Variants in FNIP1 observed in about 807,000 individuals in gnomAD.
FNIP1 encodes folliculin interacting protein 1, also known as folliculin-interacting protein 1.
A neutral mutation model predicts 124.5 loss-of-function variants in FNIP1; 40 were observed. The observed-to-expected ratio is 0.32, with a 90% CI of 0.25 to 0.42. The LOEUF is 0.42. FNIP1 is among the 10% of genes least tolerant of loss of function. The pLI is 1.00. For missense variants in FNIP1, 1,176 were observed against 1,403.7 expected, an observed-to-expected ratio of 0.84 and a Z score of 2.59; for synonymous variants, 472 against 470.6, an observed-to-expected ratio of 1.00 and a Z score of -0.04.
chr5:131,752,538 T>TAAAA (rs70974009), intron 1 of FNIP1, among the ~76,000 whole-genome samples: 1 of 136,786 alleles, frequency 7.3e-6, no homozygotes. Flanking sequence ...CCTGAACATC[T>TAAAA]AAAAAAAAAA....
chr5:131,740,843 G>A (rs1770489197), intron 2 of FNIP1, among the ~76,000 whole-genome samples: 1 of 152,146 alleles, frequency 6.6e-6, no homozygotes, highest in Non-Finnish European at 1.5e-5. Flanking sequence ...AAAGCCTGCA[G>A]TAAAGAAGCT....
intron 1 of FNIP1, among the ~76,000 whole-genome samples, chr5:131,776,413 C>A (rs1269402340): frequency 6.6e-6 from 1 of 152,086 alleles, no homozygotes; most frequent in Non-Finnish European, 1.5e-5. Flanking sequence ...AGCATCTGTC[C>A]ACCGAAAGAC....
intron 11 of FNIP1, among the ~76,000 whole-genome samples, chr5:131,682,038 G>A (rs1037794216): frequency 6.6e-6 from 1 of 152,024 alleles, no homozygotes; most frequent in African/African-American, 2.4e-5. Context: ...GGAAGAATGG[G>A]GTGAGTAGGA....
At chr5:131,785,144 G>GATATATATGACTATATATA (rs1772155650) in intron 1 of FNIP1, among the ~76,000 whole-genome samples, 1 of 24,678 alleles carries the variant, frequency 4.1e-5, no homozygotes, top group African/African-American at 7.7e-5. Context: ...TATATATATA[G>GATATATATGACTATATATA]TCATATATAT....
At chr5:131,710,099 T>A (rs911235831) in intron 7 of FNIP1, among the ~76,000 whole-genome samples, 1 of 152,226 alleles carries the variant, frequency 6.6e-6, no homozygotes, top group African/African-American at 2.4e-5. Flanking sequence ...ATTATAGTAG[T>A]GCTTGTTCAT....
At chr5:131,783,046 C>T (rs957960439) in intron 1 of FNIP1, among the ~76,000 whole-genome samples, 1 of 152,214 alleles carries the variant, frequency 6.6e-6, no homozygotes, top group African/African-American at 2.4e-5. Flanking sequence ...CAGACTACAG[C>T]GTAGTGTAAA....
At chr5:131,785,372 T>C (rs1298191099) in intron 1 of FNIP1, among the ~76,000 whole-genome samples, 1 of 151,182 alleles carries the variant, frequency 6.6e-6, no homozygotes, top group East Asian at 1.9e-4. Context: ...CTGCCCAACA[T>C]GGTGAAACCC....
In FNIP1 at chr5:131,706,525, A is replaced by G; in HGVS notation, c.800T>C (p.Ile267Thr). Residue 267 changes from isoleucine to threonine, a missense_variant, in exon 9 of 18, where the codon ATC becomes ACC. Ile to Thr is a moderately conservative substitution (Grantham distance 89). Coordinates refer to ENST00000510461, the MANE Select transcript of FNIP1 (RefSeq NM_133372.3). ...ARSASLSSLL[I>T]TPFPSPNSSL... ...GGAGTTTGGGGAAGGAAATGGAGTGATCAGCAAGCTGCTGAGAGATGCTGT... is the reference window on the plus strand; with the variant it reads ...GGAGTTTGGGGAAGGAAATGGAGTGGTCAGCAAGCTGCTGAGAGATGCTGT... The G allele has an allele frequency of 6.2e-7, 1 of 1,605,234 alleles. No homozygotes were observed. Among genetic ancestry groups the G allele is most frequent in the Non-Finnish European group, 8.5e-7 (1 of 1,175,436 alleles).
chr5:131,774,139 G>C (rs1281649851), intron 1 of FNIP1, among the ~76,000 whole-genome samples: 2 of 152,166 alleles, frequency 1.3e-5, no homozygotes, highest in African/African-American at 4.8e-5. Flanking sequence ...TGATTCTCCG[G>C]CCTTAGCCTC....
chr5:131,766,331 T>A (rs974235300), intron 1 of FNIP1, among the ~76,000 whole-genome samples: 4 of 152,126 alleles, frequency 2.6e-5, no homozygotes, highest in Non-Finnish European at 4.4e-5. Context: ...CATCAGCCAC[T>A]GCAGCTGGCC....
intron 1 of FNIP1, among the ~76,000 whole-genome samples, chr5:131,748,531 A>G (rs1389042634): frequency 6.6e-6 from 1 of 151,830 alleles, no homozygotes; most frequent in Non-Finnish European, 1.5e-5. Flanking sequence ...GTCTCTACTA[A>G]AAGTACAAAA....
At chr5:131,692,105 C>T (rs866860630) in intron 11 of FNIP1, among the ~76,000 whole-genome samples, 4 of 151,918 alleles carry the variant, frequency 2.6e-5, no homozygotes, top group African/African-American at 9.7e-5. Context: ...ATAAAACAGT[C>T]TTTATTTGTG....
intron 11 of FNIP1, among the ~76,000 whole-genome samples, chr5:131,682,272 G>A (rs1422101110): frequency 6.6e-6 from 1 of 152,178 alleles, no homozygotes; most frequent in Non-Finnish European, 1.5e-5. Flanking sequence ...GGTCCAATGA[G>A]AGCCTTTGCT....
In FNIP1 at chr5:131,715,125, C is replaced by T. The variant is rs938076658; in HGVS notation, c.622+1440G>A. Among the ~76,000 whole-genome samples, 3 of 152,146 alleles carry T rather than the reference C, an allele frequency of 2.0e-5. No individual in the cohort carries two copies. In the East Asian group the frequency reaches 5.8e-4, roughly 29 times the overall value. On this transcript the variant is annotated intron_variant, in intron 6 of 17. Coordinates refer to ENST00000510461, the MANE Select transcript of FNIP1 (RefSeq NM_133372.3). Reference sequence around the variant, plus strand: ...TTCTACTCTATATTAAAAGTGAAGACAAGTATATCTAACCTCTATAGTATA... The same window carrying T: ...TTCTACTCTATATTAAAAGTGAAGATAAGTATATCTAACCTCTATAGTATA...
chr5:131,726,646 TTG>T (rs1171473104), intron 3 of FNIP1, among the ~76,000 whole-genome samples: 1 of 152,222 alleles, frequency 6.6e-6, no homozygotes, highest in African/African-American at 2.4e-5. Flanking sequence ...GAAGGGTTTT[TTG>T]TGTCTCTATC....
At position 131,744,575 on chromosome 5, in the gene FNIP1, T is replaced by A; in HGVS notation, c.208A>T (p.Ile70Leu). 2.5e-6 allele frequency: 4 copies of A among 1,600,798 alleles called. No individual in the cohort carries two copies. Among genetic ancestry groups the A allele is most frequent in the Middle Eastern group, 3.3e-4 (2 of 6,030 alleles). ...ATAATGATGCTCACCGATACTGATA[T>A]GTCCTCATTTCTTCTCTTAACACTG... ...DSSVKRRNED[I>L]SVSKLGSDAQ... The change falls in exon 2 of 18, where the codon ATA becomes TTA. Residue 70 changes from isoleucine to leucine, a missense_variant. This residue lies in a region of FNIP1 where 1,109 missense variants were observed against 1,288.5 expected (regional missense o/e 0.86). Coordinates refer to ENST00000510461, the MANE Select transcript of FNIP1 (RefSeq NM_133372.3).
intron 13 of FNIP1, among the ~76,000 whole-genome samples, chr5:131,676,909 A>T (rs909402710): frequency 6.6e-6 from 1 of 152,162 alleles, no homozygotes; most frequent in African/African-American, 2.4e-5. Context: ...TCCACCTGGC[A>T]AGCTCAATCA....
At chr5:131,779,643 G>A (rs1487789994) in intron 1 of FNIP1, among the ~76,000 whole-genome samples, 1 of 147,516 alleles carries the variant, frequency 6.8e-6, no homozygotes, top group East Asian at 2.0e-4. Context: ...AGCCGATATC[G>A]CACCACTGCA....
At chr5:131,652,288 T>A (rs1203019248) in intron 15 of FNIP1, among the ~76,000 whole-genome samples, 2 of 152,282 alleles carry the variant, frequency 1.3e-5, no homozygotes, top group Non-Finnish European at 2.9e-5. Flanking sequence ...TTGACAAATG[T>A]ATTAAGTGTC....
Sources: allele counts gnomAD v4.1 joint callset (sites outside exome capture counted in the v4.1 genomes callset), GRCh38; gene constraint gnomAD v4.1.1; regional missense constraint gnomAD v4.1.1; transcripts MANE v1.5; gene names NCBI Gene and HGNC (gene_info 2026-07-23, HGNC 2026-07-21).